The following RPL23 variants were observed in gnomAD, a reference collection of about 807,000 sequenced individuals.
The protein encoded by RPL23 is ribosomal protein L23, also known as large ribosomal subunit protein uL14.
For synonymous variants in RPL23, 63 were observed against 65.3 expected (o/e 0.97, Z 0.17); for missense variants, 79 against 178.8 (o/e 0.44, Z 3.18).
chr17:38,848,248 T>C lies in RPL23; in HGVS notation c.*1884A>G. 1.5e-6 allele frequency: 1 copy of C among 657,348 alleles called. No individual in the cohort carries two copies. Among genetic ancestry groups the C allele is most frequent in the Non-Finnish European group, 2.1e-6 (1 of 465,906 alleles). 40.7% of individuals were successfully genotyped at this position (657,348 alleles called of 1,614,324 possible). A position where few individuals can be genotyped will look rare whatever the true frequency, so the allele number is the denominator to read the frequency against. ...CTAAAACTAGAGATTTAATACATTT[T>C]TTTTCTTTCCCCCCAGAGTTTCACT... On this transcript the variant is annotated 3_prime_UTR_variant, in exon 5 of 5. Coordinates refer to ENST00000479035, the MANE Select transcript of RPL23 (RefSeq NM_000978.4).
In RPL23 at chr17:38,853,558, T is replaced by G. The variant is rs750230094; in HGVS notation, c.13+140A>C. On this transcript the variant is annotated intron_variant, in intron 1 of 4. Coordinates refer to ENST00000479035, the MANE Select transcript of RPL23 (RefSeq NM_000978.4). Reference sequence around the variant, plus strand: ...CTGCCACTTTCGAGGGCCCTGGCAGTGCTCTCGCGGTGGCCTGGCTCTCTC... The same window carrying G: ...CTGCCACTTTCGAGGGCCCTGGCAGGGCTCTCGCGGTGGCCTGGCTCTCTC... 5.0e-6 allele frequency: 5 copies of G among 1,002,928 alleles called. 1 individual carries two copies. In the South Asian group the frequency reaches 6.6e-5, roughly 13 times the overall value. The allele number at this position is 1,002,928 out of a possible 1,614,324, so 62.1% of individuals were successfully genotyped here.
rs772954678 is a variant in RPL23, at chr17:38,850,116, C to T, written c.*16G>A. On this transcript the variant is annotated 3_prime_UTR_variant, in exon 5 of 5. Transcript: ENST00000479035. ...GTTTAGTTTTTTTTTTTATTTTTTA[C>T]AAATATACTGGAGAATCATGCAATG... The T allele has an allele frequency of 6.5e-7, 1 of 1,546,756 alleles. No homozygotes were observed.
At chr17:38,850,259 G>C (rs1244196715) in intron 4 of RPL23, 45 bp from the exon 5 acceptor site, 1 of 1,544,758 alleles carries the variant, frequency 6.5e-7, no homozygotes, top group Non-Finnish European at 8.8e-7. Context: ...ACATGTGGGG[G>C]ACAGATTAAG....
intron 3 of RPL23, 105 bp downstream of exon 3, chr17:38,852,499 C>T: frequency 2.8e-6 from 4 of 1,436,076 alleles, no homozygotes; most frequent in Non-Finnish European, 3.8e-6. Flanking sequence ...CACTGCCTCT[C>T]AATGGAAAAC....
In RPL23 at chr17:38,850,226, A is replaced by C; in HGVS notation, c.341-12T>G. The C allele has an allele frequency of 6.4e-7, 1 of 1,551,598 alleles. No homozygotes were observed. The highest frequency in any genetic ancestry group is 8.7e-7 in the Non-Finnish European group (1 of 1,144,584). ...TGTAATGGCAGAACCTGCATTAAAA[A>C]AATAAAATAAAATAAAATAAAAACA... On this transcript the variant is annotated splice_polypyrimidine_tract_variant and intron_variant, in intron 4 of 4. Transcript: ENST00000479035.
rs1233825227 is a variant in RPL23 at position 38,849,621 on chromosome 17, C to G, written c.*511G>C. The G allele has an allele frequency of 6.6e-6, 1 of 152,548 alleles. No individual in the cohort carries two copies. The highest frequency in any genetic ancestry group is 1.5e-5 in the Non-Finnish European group (1 of 68,338). 9.4% of individuals were successfully genotyped at this position (152,548 alleles called of 1,614,324 possible). ...AAAGTGTTGGGATTACAGGTGCCAG[C>G]TACCGCGCCCAGCCATTTGAATGCC... On this transcript the variant is annotated 3_prime_UTR_variant, in exon 5 of 5. Transcript: ENST00000479035.
rs1411433018 is a variant in RPL23, at chr17:38,847,958, C to T, written c.*2174G>A. On this transcript the variant is annotated 3_prime_UTR_variant, in exon 5 of 5. Transcript: ENST00000479035. ...AGTGGCTCACACTTGTAATTGCAGC[C>T]CTTTGAAGGCCACAGCAGGAGGATT... The T allele has an allele frequency of 1.3e-6, 2 of 1,548,090 alleles. No individual in the cohort carries two copies. The highest frequency in any genetic ancestry group is 2.0e-5 in the Admixed American group (1 of 50,694).
intron 1 of RPL23, chr17:38,853,402 G>A (rs1913062693): frequency 2.8e-6 from 2 of 712,028 alleles, no homozygotes; most frequent in East Asian, 2.7e-5. Context: ...AAACCGCAGA[G>A]GTCGCGCAAA....
intron 3 of RPL23, chr17:38,851,587 G>A (rs974809995): frequency 1.3e-5 from 2 of 152,224 alleles, no homozygotes; most frequent in African/African-American, 4.8e-5. Context: ...ACAAAGTGAA[G>A]GCCATTTGCT....
intron 3 of RPL23, 136 bp downstream of exon 3, chr17:38,852,465 CAAA>C (rs1913031288): frequency 1.8e-6 from 2 of 1,085,788 alleles, no homozygotes; most frequent in Admixed American, 4.6e-5. Context: ...ACAATATGAG[CAAA>C]AACTTAAGAT....
At chr17:38,852,417 A>T (rs1913029635) in intron 3 of RPL23, 187 bp downstream of exon 3, 1 of 645,072 alleles carries the variant, frequency 1.6e-6, no homozygotes, top group African/African-American at 1.8e-5. Context: ...AAAACAACTA[A>T]GGTATGGAAG....
At position 38,847,923 on chromosome 17, in the gene RPL23, G is replaced by C. The variant is rs1403406023; in HGVS notation, c.*2209C>G. On this transcript the variant is annotated 3_prime_UTR_variant, in exon 5 of 5. Coordinates refer to ENST00000479035, the MANE Select transcript of RPL23 (RefSeq NM_000978.4). Reference sequence around the variant, plus strand: ...AAAATCTCCAAAGAATAAAATGTGAGGTGGGATGCAGTGGCTCACACTTGT... The same window carrying C: ...AAAATCTCCAAAGAATAAAATGTGACGTGGGATGCAGTGGCTCACACTTGT... 6.6e-7 allele frequency: 1 copy of C among 1,520,084 alleles called. No individual in the cohort carries two copies. The highest frequency in any genetic ancestry group is 8.8e-7 in the Non-Finnish European group (1 of 1,136,266). The allele number at this position is 1,520,084 out of a possible 1,614,324, so 94.2% of individuals were successfully genotyped here. A position where few individuals can be genotyped will look rare whatever the true frequency, so the allele number is the denominator to read the frequency against.
rs1418189647 is a variant in RPL23, at chr17:38,848,005, T to TA, written c.*2126dup. 6.5e-7 allele frequency: 1 copy of TA among 1,550,198 alleles called. No individual in the cohort carries two copies. Among genetic ancestry groups the TA allele is most frequent in the South Asian group, 1.2e-5 (1 of 83,988 alleles). On this transcript the variant is annotated 3_prime_UTR_variant, in exon 5 of 5. Coordinates refer to ENST00000479035, the MANE Select transcript of RPL23 (RefSeq NM_000978.4). The stretch of plus-strand genomic sequence containing the variant: ...GATTCCAAGTCCAGCAGTTCAAAGT[T>TA]ACAGTGAGCTTCAGTGGTGTTACTG...
At position 38,853,089 on chromosome 17, in the gene RPL23, A is replaced by G; in HGVS notation, c.30T>C (p.Ser10=). 1 of 1,614,092 alleles carries G rather than the reference A, an allele frequency of 6.2e-7. No homozygotes were observed. Among genetic ancestry groups the G allele is most frequent in the Non-Finnish European group, 8.5e-7 (1 of 1,179,944 alleles). The change falls in exon 2 of 5, where the codon TCT becomes TCC. Residue 10 remains serine (S), a synonymous_variant. Coordinates refer to ENST00000479035, the MANE Select transcript of RPL23 (RefSeq NM_000978.4). ...CCAAGGAAATCCGGAATTTCGCACC[A>G]GAGGACCCACCACGTCCTGTGGATA... is the stretch of plus-strand genomic sequence containing the variant. MSKRGRGGS[S]GAKFRISLGL...
rs1252713695 is a variant in RPL23 at position 38,849,850 on chromosome 17, T to C, written c.*282A>G. 3.6e-6 allele frequency: 1 copy of C among 278,206 alleles called. No individual in the cohort carries two copies. The highest frequency in any genetic ancestry group is 6.6e-6 in the Non-Finnish European group (1 of 151,956). The allele number at this position is 278,206 out of a possible 1,614,324, so 17.2% of individuals were successfully genotyped here. A position where few individuals can be genotyped will look rare whatever the true frequency, so the allele number is the denominator to read the frequency against. ...GCCCAGAGTTTCCATTTCAGAAAAG[T>C]GATGGTCAGGGTATGTCAAAAACAC... On this transcript the variant is annotated 3_prime_UTR_variant, in exon 5 of 5. Coordinates refer to ENST00000479035, the MANE Select transcript of RPL23 (RefSeq NM_000978.4).
At position 38,852,614 on chromosome 17, in the gene RPL23, G is replaced by A; in HGVS notation, c.216C>T (p.Leu72=). The A allele has an allele frequency of 6.2e-7, 1 of 1,611,174 alleles. No individual in the cohort carries two copies. The highest frequency in any genetic ancestry group is 8.5e-7 in the Non-Finnish European group (1 of 1,179,652). ...TCAGTGTTTACTCACCCTTTTTTCT[G>A]AGCTCTGGTTTGCCTTTCTTGACTG... ...MATVKKGKPE[L]RKKVHPAVVI... The change falls in exon 3 of 5, where the codon CTC becomes CTT. Residue 72 remains leucine, a synonymous_variant. Coordinates refer to ENST00000479035, the MANE Select transcript of RPL23 (RefSeq NM_000978.4).
intron 3 of RPL23, 59 bp downstream of exon 3, chr17:38,852,545 T>A: frequency 3.1e-6 from 5 of 1,587,752 alleles, no homozygotes; most frequent in Non-Finnish European, 4.3e-6. Flanking sequence ...CATTTTCCAA[T>A]AAAGGAAAGC....
intron 3 of RPL23, 86 bp from the exon 4 acceptor site, chr17:38,850,561 C>A: frequency 1.2e-6 from 1 of 845,112 alleles, no homozygotes; most frequent in East Asian, 2.4e-5. Flanking sequence ...ACAGAATGTA[C>A]ACTCAGCGTT....
At position 38,853,687 on chromosome 17, in the gene RPL23, C is replaced by CA; in HGVS notation, c.13+10dup. The CA allele has an allele frequency of 1.9e-6, 3 of 1,614,176 alleles. No individual in the cohort carries two copies. Among genetic ancestry groups the CA allele is most frequent in the Non-Finnish European group, 2.5e-6 (3 of 1,180,040 alleles). On this transcript the variant is annotated intron_variant, in intron 1 of 4. Coordinates refer to ENST00000479035, the MANE Select transcript of RPL23 (RefSeq NM_000978.4). ...CAGATGGTGGAGGATCCTCCAGAAA[C>CA]AAAACCTCACCTCGCTTCGACATCT...
Sources: allele counts gnomAD v4.1 joint callset, GRCh38; gene constraint gnomAD v4.1.1; transcripts MANE v1.5; gene names NCBI Gene and HGNC (gene_info 2026-07-23, HGNC 2026-07-21).